The following TRAPPC9 variants were observed in gnomAD, a reference collection of about 807,000 sequenced individuals.
TRAPPC9 encodes IKK2 binding protein.
Under a neutral mutation model 124.0 loss-of-function variants are expected in TRAPPC9, and 83 were observed. The ratio of observed to expected loss-of-function variants is 0.67; its 90% CI spans 0.56 to 0.80. TRAPPC9 has a LOEUF of 0.80. Among genes scored for constraint, TRAPPC9 ranks in the 30% least tolerant of loss-of-function variants. The probability of loss-of-function intolerance (pLI) is 0.00; values close to 1 mark genes in which losing one functional copy is unlikely to be tolerated. For missense variants in TRAPPC9, 1,302 were observed against 1,508.3 expected (o/e 0.86, Z 2.27); for synonymous variants, 638 against 617.5 (o/e 1.03, Z -0.49).
intron 18 of TRAPPC9, among the ~76,000 whole-genome samples, chr8:140,003,004 A>C (rs980962946): frequency 6.6e-6 from 1 of 152,004 alleles, no homozygotes; most frequent in African/African-American, 2.4e-5. Flanking sequence ...CCAAAAAAGG[A>C]AAATTAGATT....
intron 21 of TRAPPC9, among the ~76,000 whole-genome samples, chr8:139,738,498 G>T (rs1211385767): frequency 6.6e-6 from 1 of 152,210 alleles, no homozygotes; most frequent in Admixed American, 6.5e-5. Context: ...TCCTTACAAG[G>T]CAAGAAGGGA....
chr8:140,295,333 C>T (rs2065776976), intron 11 of TRAPPC9, among the ~76,000 whole-genome samples: 1 of 152,206 alleles, frequency 6.6e-6, no homozygotes, highest in Non-Finnish European at 1.5e-5. Context: ...TTCTAATGTC[C>T]CCATTCTGCA....
intron 10 of TRAPPC9, among the ~76,000 whole-genome samples, chr8:140,300,832 G>C (rs557816004): frequency 6.6e-6 from 1 of 152,326 alleles, no homozygotes; most frequent in East Asian, 1.9e-4. Flanking sequence ...CCCTGGAACT[G>C]GGGGAGCAGC....
intron 17 of TRAPPC9, among the ~76,000 whole-genome samples, chr8:140,215,620 T>G (rs532844892): frequency 1.3e-5 from 2 of 149,304 alleles, no homozygotes; most frequent in Non-Finnish European, 3.0e-5. Context: ...CTCTCCAGCC[T>G]GAGCGACAGA....
intron 9 of TRAPPC9, among the ~76,000 whole-genome samples, chr8:140,337,584 G>A (rs1274351212): frequency 6.6e-6 from 1 of 152,180 alleles, no homozygotes; most frequent in Non-Finnish European, 1.5e-5. Flanking sequence ...CAAACGGACT[G>A]CGACTCATCC....
intron 21 of TRAPPC9, among the ~76,000 whole-genome samples, chr8:139,779,347 T>G (rs1821616918): frequency 6.6e-6 from 1 of 152,134 alleles, no homozygotes; most frequent in South Asian, 2.1e-4. Flanking sequence ...ACTCGCATTA[T>G]CAGAACTGTT....
chr8:140,370,129 T>G (rs75434622), intron 8 of TRAPPC9, among the ~76,000 whole-genome samples: 1 of 12,430 alleles, frequency 8.0e-5, no homozygotes, highest in South Asian at 1.2e-3. Context: ...CTCAAAAATG[T>G]TTTTTTTTTT....
chr8:140,445,166 G>T (rs1377908622), intron 2 of TRAPPC9, among the ~76,000 whole-genome samples: 3 of 152,188 alleles, frequency 2.0e-5, no homozygotes, highest in African/African-American at 7.2e-5. Flanking sequence ...CCCATGGTAA[G>T]AAACAGCCCA....
intron 21 of TRAPPC9, among the ~76,000 whole-genome samples, chr8:139,871,431 C>T (rs1373644757): frequency 1.3e-5 from 2 of 152,226 alleles, no homozygotes; most frequent in Non-Finnish European, 1.5e-5. Flanking sequence ...GGCATTTATA[C>T]TGTGTCTCTC....
intron 16 of TRAPPC9, among the ~76,000 whole-genome samples, chr8:140,245,337 G>C (rs1281587399): frequency 6.6e-6 from 1 of 152,090 alleles, no homozygotes; most frequent in Admixed American, 6.5e-5. Flanking sequence ...TCACTGCCTT[G>C]CTTCTCTTTG....
chr8:139,748,844 C>T (rs1366286543), intron 21 of TRAPPC9, among the ~76,000 whole-genome samples: 1 of 152,112 alleles, frequency 6.6e-6, no homozygotes, highest in East Asian at 1.9e-4. Context: ...TCCCCCCAGG[C>T]CCTAGTGCCC....
intron 2 of TRAPPC9, among the ~76,000 whole-genome samples, chr8:140,447,644 C>T (rs919329374): frequency 6.6e-6 from 1 of 152,088 alleles, no homozygotes; most frequent in Admixed American, 6.6e-5. Flanking sequence ...CCTCGTGTAC[C>T]GGGGAACTCC....
At chr8:140,240,259 AG>A (rs33975504) in intron 16 of TRAPPC9, among the ~76,000 whole-genome samples, 105,147 of 151,958 alleles carry the variant, frequency 0.69, 36,638 homozygotes, top group East Asian at 0.79. Context: ...GCATTTTTCT[AG>A]GGGGGGACAG....
chr8:140,046,412 T>A (rs1221674888), intron 17 of TRAPPC9, among the ~76,000 whole-genome samples: 1 of 152,264 alleles, frequency 6.6e-6, no homozygotes, highest in Non-Finnish European at 1.5e-5. Flanking sequence ...CCAAGGGGCC[T>A]TCGCCCCAGA....
intron 19 of TRAPPC9, among the ~76,000 whole-genome samples, chr8:139,917,831 G>A (rs1008648821): frequency 1.3e-5 from 2 of 152,228 alleles, no homozygotes; most frequent in African/African-American, 4.8e-5. Context: ...CGTCCCCATC[G>A]CCTGAACTCG....
chr8:140,202,144 A>G (rs889803998), intron 17 of TRAPPC9, among the ~76,000 whole-genome samples: 1 of 150,802 alleles, frequency 6.6e-6, no homozygotes, highest in African/African-American at 2.4e-5. Flanking sequence ...TGGTGAGATA[A>G]AAGCTCATCT....
intron 20 of TRAPPC9, among the ~76,000 whole-genome samples, chr8:139,900,876 T>TAGTTCA (rs1387345029): frequency 6.6e-6 from 1 of 152,048 alleles, no homozygotes; most frequent in Non-Finnish European, 1.5e-5. Flanking sequence ...AATGATTGCT[T>TAGTTCA]AGTTCACTCT....
In TRAPPC9 at chr8:140,435,146, G is replaced by C. The variant is rs1323323867; in HGVS notation, c.825C>G (p.Thr275=). The C allele has an allele frequency of 5.0e-6, 8 of 1,614,032 alleles. No homozygotes were observed. In the African/African-American group the frequency reaches 5.3e-5, roughly 11 times the overall value. ...GTCTATTGGCTGCTTCAGCAGGAAG[G>C]GTGCTGCCCTGGAACCTCCGAGCTC... The part of the protein sequence containing the change: ...KSGARRFQGS[T]LPAEAANRHR... Residue 275 remains threonine, a synonymous_variant, in exon 4 of 23, where the codon ACC becomes ACG. Coordinates refer to ENST00000438773, the MANE Select transcript of TRAPPC9 (RefSeq NM_001160372.4).
At chr8:139,809,568 G>A (rs1824295717) in intron 21 of TRAPPC9, among the ~76,000 whole-genome samples, 2 of 152,182 alleles carry the variant, frequency 1.3e-5, no homozygotes, top group African/African-American at 4.8e-5. Context: ...GCCTTTCTGT[G>A]GCCTCAGGAT....
Sources: allele counts gnomAD v4.1 joint callset (sites outside exome capture counted in the v4.1 genomes callset), GRCh38; gene constraint gnomAD v4.1.1; transcripts MANE v1.5; gene names NCBI Gene and HGNC (gene_info 2026-07-23, HGNC 2026-07-21).